The following SPATA31C1 variants were observed in gnomAD, a reference collection of about 807,000 sequenced individuals.
The protein encoded by SPATA31C1 is SPATA31 subfamily C member 1, also known as spermatogenesis-associated protein 31C1.
chr9:87,921,121 G>T (rs1828852157), exon 5 of SPATA31C1: 1 of 1,611,756 alleles, frequency 6.2e-7, no homozygotes, highest in South Asian at 1.1e-5. Flanking sequence ...CACCCTGAAA[G>T]GCCTTTGTTG....
At chr9:87,919,273 C>T (rs1470928001) in intron 2 of SPATA31C1, 4 of 1,599,156 alleles carry the variant, frequency 2.5e-6, no homozygotes, top group Admixed American at 3.5e-5. Context: ...TGTCTCCCAG[C>T]GTCATCTTGT....
intron 2 of SPATA31C1, chr9:87,919,045 T>C (rs1235959646): frequency 2.5e-5 from 18 of 733,384 alleles, no homozygotes; most frequent in South Asian, 1.2e-4. Flanking sequence ...GCTTGGATTA[T>C]AGGCGTGAGC....
At chr9:87,919,064 C>A in intron 2 of SPATA31C1, 191 bp from the exon 2 acceptor site, 2 of 928,680 alleles carry the variant, frequency 2.2e-6, no homozygotes, top group Non-Finnish European at 3.2e-6. Context: ...GCCACCGCAC[C>A]CGACCCCCTC....
intron 1 of SPATA31C1, among the ~76,000 whole-genome samples, chr9:87,915,401 C>T (rs1828693449): frequency 6.9e-6 from 1 of 144,458 alleles, no homozygotes; most frequent in Admixed American, 6.8e-5. Context: ...TTCCAGAGTT[C>T]AAGCTATTCT....
exon 5 of SPATA31C1, chr9:87,922,071 A>G: frequency 6.2e-7 from 1 of 1,614,018 alleles, no homozygotes. Context: ...GGCAAGTCTG[A>G]GAAAGCAAGT....
exon 5 of SPATA31C1, chr9:87,921,921 C>G (rs1413299662): frequency 6.2e-7 from 1 of 1,611,952 alleles, no homozygotes; most frequent in Non-Finnish European, 8.5e-7. Context: ...CCTCAGGGTC[C>G]TCAAGCCCAT....
exon 5 of SPATA31C1, chr9:87,921,553 C>G (rs1437205925): frequency 6.2e-7 from 1 of 1,611,848 alleles, no homozygotes; most frequent in African/African-American, 1.3e-5. Context: ...CTGGGGGCGA[C>G]CTCTGAGGAG....
At chr9:87,923,544 G>C, downstream of SPATA31C1, 2 of 1,280,052 alleles carry the variant, frequency 1.6e-6, no homozygotes, top group South Asian at 3.0e-5. Context: ...GCCTTCCCTA[G>C]AGAAAAACAA....
At chr9:87,916,331 TGA>T (rs1828717761) in intron 1 of SPATA31C1, among the ~76,000 whole-genome samples, 10 of 145,708 alleles carry the variant, frequency 6.9e-5, no homozygotes, top group Non-Finnish European at 1.4e-4. Context: ...TAGGACTTGA[TGA>T]ATAATTATTA....
At chr9:87,916,132 C>G (rs1828711036) in intron 1 of SPATA31C1, among the ~76,000 whole-genome samples, 1 of 143,048 alleles carries the variant, frequency 7.0e-6, no homozygotes, top group African/African-American at 2.6e-5. Context: ...ACTGACCTCA[C>G]AGAATTCTTG....
exon 5 of SPATA31C1, chr9:87,923,122 A>C: frequency 6.2e-7 from 1 of 1,603,600 alleles, no homozygotes; most frequent in Non-Finnish European, 8.5e-7. Context: ...CCGGAGGAGA[A>C]CATGTCACTT....
intron 1 of SPATA31C1, among the ~76,000 whole-genome samples, chr9:87,917,338 A>C: frequency 6.9e-6 from 1 of 145,752 alleles, no homozygotes; most frequent in Admixed American, 6.9e-5. Context: ...AATGGCTGGA[A>C]CCCGGGAGGC....
At position 87,923,125 on chromosome 9, in the gene SPATA31C1, T is replaced by C. The variant is rs781737459; in HGVS notation, n.3515T>C. The C allele has an allele frequency of 5.6e-6, 9 of 1,603,308 alleles. No individual in the cohort carries two copies. In the East Asian group the frequency reaches 2.0e-4, roughly 36 times the overall value. On this transcript the variant is annotated non_coding_transcript_exon_variant, in exon 5 of 5. Coordinates refer to ENST00000420021, the Ensembl canonical transcript of SPATA31C1. ...GTTGGACAGATACCGGAGGAGAACA[T>C]GTCACTTTGCCATGCGCGCCATGCC... is the stretch of plus-strand genomic sequence containing the variant.
At chr9:87,920,983 C>A in exon 5 of SPATA31C1, 3 of 1,612,934 alleles carry the variant, frequency 1.9e-6, no homozygotes, top group Non-Finnish European at 2.5e-6. Flanking sequence ...CAGGCCGAGG[C>A]TCAGGCCCAT....
At chr9:87,922,362 A>T (rs1828897272) in exon 5 of SPATA31C1, 1 of 1,610,712 alleles carries the variant, frequency 6.2e-7, no homozygotes, top group East Asian at 2.2e-5. Context: ...AACCTGTATG[A>T]GAGCAAACCT....
chr9:87,920,869 C>A, exon 5 of SPATA31C1: 2 of 1,613,522 alleles, frequency 1.2e-6, no homozygotes, highest in Non-Finnish European at 8.5e-7. Context: ...AGGGACACCA[C>A]AATGTCCCCA....
At chr9:87,919,031 A>G in intron 2 of SPATA31C1, 1 of 617,602 alleles carries the variant, frequency 1.6e-6, no homozygotes, top group South Asian at 1.6e-5. Flanking sequence ...CGGCCTCCCA[A>G]AGTGCTTGGA....
chr9:87,916,165 A>G (rs1225444183), intron 1 of SPATA31C1, among the ~76,000 whole-genome samples: 3 of 142,538 alleles, frequency 2.1e-5, no homozygotes, highest in African/African-American at 7.7e-5. Context: ...CAGAGTGATC[A>G]GATATCACCT....
intron 3 of SPATA31C1, 69 bp from the exon 3 acceptor site, chr9:87,919,847 A>G: frequency 2.5e-6 from 4 of 1,597,478 alleles, no homozygotes; most frequent in Non-Finnish European, 3.4e-6. Context: ...TCCCTAAAGA[A>G]ACATACACTC....
Sources: gnomAD v4.1 joint callset for allele counts (sites outside exome capture counted in the v4.1 genomes callset) on GRCh38, gnomAD v4.1.1 for gene constraint, MANE v1.5 for transcripts, NCBI Gene and HGNC (gene_info 2026-07-23, HGNC 2026-07-21) for gene names.